Variants in RPH3A observed in about 807,000 individuals in gnomAD.
RPH3A encodes the protein rabphilin-3A.
In RPH3A, 48 loss-of-function variants were observed where a neutral mutation model predicts 102.2. The ratio of observed to expected loss-of-function variants is 0.47; its 90% CI spans 0.37 to 0.60. The LOEUF is 0.60. Among genes scored for constraint, RPH3A ranks in the 20% least tolerant of loss-of-function variants. The pLI is 0.00. For synonymous variants in RPH3A, 310 were observed against 324.3 expected (o/e 0.96, Z 0.47); for missense variants, 781 against 910.1 (o/e 0.86, Z 1.83).
chr12:112,690,982 A>T (rs1422208883), intron 1 of RPH3A, among the ~76,000 whole-genome samples: 2 of 151,942 alleles, frequency 1.3e-5, no homozygotes, highest in African/African-American at 4.8e-5. Flanking sequence ...TGTAGTTCAC[A>T]TTGTATCCTT....
chr12:112,876,393 C>T (rs1003953594), intron 12 of RPH3A, among the ~76,000 whole-genome samples: 3 of 152,116 alleles, frequency 2.0e-5, no homozygotes, highest in Non-Finnish European at 4.4e-5. Flanking sequence ...GGTCACATGG[C>T]CAAGATTCAA....
chr12:112,738,134 C>A (rs886542342), intron 1 of RPH3A, among the ~76,000 whole-genome samples: 2 of 152,008 alleles, frequency 1.3e-5, no homozygotes, highest in Non-Finnish European at 2.9e-5. Context: ...CATCACGTAT[C>A]CTTCTTCCTT....
intron 15 of RPH3A, among the ~76,000 whole-genome samples, chr12:112,882,324 C>T (rs2042928677): frequency 1.3e-5 from 2 of 152,182 alleles, no homozygotes. Flanking sequence ...ACCGGCTGAG[C>T]ATTGCTTTAC....
At chr12:112,857,187 C>A (rs879821654) in intron 5 of RPH3A, among the ~76,000 whole-genome samples, 1 of 152,120 alleles carries the variant, frequency 6.6e-6, no homozygotes, top group Non-Finnish European at 1.5e-5. Context: ...ACATCCACAG[C>A]CAGTCAGGGA....
chr12:112,774,072 A>AAAAAAAAAAAAAG (rs2040947334), intron 1 of RPH3A, among the ~76,000 whole-genome samples: 1 of 151,264 alleles, frequency 6.6e-6, no homozygotes, highest in African/African-American at 2.4e-5. Flanking sequence ...GCAAAAAAAA[A>AAAAAAAAAAAAAG]AAAAAGAAAA....
chr12:112,743,735 T>C (rs1321766567), intron 1 of RPH3A, among the ~76,000 whole-genome samples: 1 of 152,118 alleles, frequency 6.6e-6, no homozygotes, highest in African/African-American at 2.4e-5. Context: ...AGTAAGAGCA[T>C]GACAAGATTT....
At chr12:112,722,379 G>A (rs1365069183) in intron 1 of RPH3A, among the ~76,000 whole-genome samples, 1 of 152,158 alleles carries the variant, frequency 6.6e-6, no homozygotes, top group Non-Finnish European at 1.5e-5. Flanking sequence ...TTGTCAAAAG[G>A]CTTTATAAGT....
intron 4 of RPH3A, among the ~76,000 whole-genome samples, chr12:112,836,742 C>T (rs1375060142): frequency 2.0e-5 from 3 of 152,064 alleles, no homozygotes; most frequent in Non-Finnish European, 4.4e-5. Flanking sequence ...TATTTCTTAG[C>T]CCTCAATTCT....
At chr12:112,812,090 CA>C (rs2041588014) in intron 2 of RPH3A, among the ~76,000 whole-genome samples, 1 of 151,162 alleles carries the variant, frequency 6.6e-6, no homozygotes, top group South Asian at 2.1e-4. Context: ...AGGATTGCAA[CA>C]AAAGTCTGAG....
intron 1 of RPH3A, among the ~76,000 whole-genome samples, chr12:112,736,522 T>A (rs1191557476): frequency 3.3e-5 from 5 of 152,198 alleles, no homozygotes; most frequent in African/African-American, 7.2e-5. Flanking sequence ...CATGGAGAAA[T>A]GAGACACGGA....
At chr12:112,748,182 A>T (rs1365168599) in intron 1 of RPH3A, among the ~76,000 whole-genome samples, 1 of 152,224 alleles carries the variant, frequency 6.6e-6, no homozygotes, top group African/African-American at 2.4e-5. Context: ...AGGGCAGAGA[A>T]CATGTCTGTG....
chr12:112,640,094 G>T (rs1196138685), intron 1 of RPH3A, among the ~76,000 whole-genome samples: 1 of 151,078 alleles, frequency 6.6e-6, no homozygotes, highest in East Asian at 2.0e-4. Flanking sequence ...GCTGAGGCAG[G>T]TGAATCACTT....
intron 1 of RPH3A, among the ~76,000 whole-genome samples, chr12:112,778,317 C>A (rs945305697): frequency 5.3e-5 from 8 of 152,166 alleles, no homozygotes; most frequent in Non-Finnish European, 1.2e-4. Context: ...CCCACTGATG[C>A]TTCTTTAGTT....
At chr12:112,801,252 T>C (rs2041346310) in intron 2 of RPH3A, among the ~76,000 whole-genome samples, 1 of 152,188 alleles carries the variant, frequency 6.6e-6, no homozygotes, top group Non-Finnish European at 1.5e-5. Flanking sequence ...GGACTGGGCT[T>C]GCACCTAAGG....
chr12:112,841,498 G>A (rs564866622), intron 4 of RPH3A, among the ~76,000 whole-genome samples: 2 of 152,044 alleles, frequency 1.3e-5, no homozygotes, highest in South Asian at 4.2e-4. Context: ...TGGTACACTC[G>A]AGAGGAGAAT....
intron 1 of RPH3A, among the ~76,000 whole-genome samples, chr12:112,590,027 G>A (rs1404770411): frequency 6.6e-6 from 1 of 150,496 alleles, no homozygotes; most frequent in African/African-American, 2.5e-5. Context: ...AGGTTGCAGT[G>A]AGCTGAGATC....
intron 1 of RPH3A, among the ~76,000 whole-genome samples, chr12:112,598,300 G>A (rs1277075803): frequency 6.6e-6 from 1 of 152,180 alleles, no homozygotes; most frequent in Non-Finnish European, 1.5e-5. Flanking sequence ...GACTTAGCAT[G>A]CTTGGGAAGC....
intron 1 of RPH3A, among the ~76,000 whole-genome samples, chr12:112,786,193 A>C (rs2041049565): frequency 6.6e-6 from 1 of 152,140 alleles, no homozygotes; most frequent in Non-Finnish European, 1.5e-5. Flanking sequence ...GGTAACGTGG[A>C]ATTGACTGAT....
intron 2 of RPH3A, among the ~76,000 whole-genome samples, chr12:112,805,598 G>A (rs903987690): frequency 1.3e-5 from 2 of 152,140 alleles, no homozygotes; most frequent in Non-Finnish European, 2.9e-5. Flanking sequence ...TTAAGCCTGA[G>A]TCCCATCACT....
Sources: gnomAD v4.1 joint callset for allele counts (sites outside exome capture counted in the v4.1 genomes callset) on GRCh38, gnomAD v4.1.1 for gene constraint, MANE v1.5 for transcripts, NCBI Gene and HGNC (gene_info 2026-07-23, HGNC 2026-07-21) for gene names.